The following EXT2 variants were observed in gnomAD, a reference collection of about 807,000 sequenced individuals.
The protein encoded by EXT2 is exostosin-2.
A neutral mutation model predicts 81.6 loss-of-function variants in EXT2; 53 were observed. The ratio of observed to expected loss-of-function variants is 0.65; its 90% CI spans 0.52 to 0.82. The LOEUF (loss-of-function observed/expected upper bound fraction) is 0.82. Among genes scored for constraint, EXT2 ranks in the 40% least tolerant of loss-of-function variants. The pLI is 0.00. For synonymous variants in EXT2, 320 were observed against 340.0 expected (o/e 0.94, Z 0.65); for missense variants, 774 against 910.2 (o/e 0.85, Z 1.93).
At chr11:44,207,458 G>A (rs929254574) in intron 10 of EXT2, among the ~76,000 whole-genome samples, 3 of 152,226 alleles carry the variant, frequency 2.0e-5, no homozygotes, top group African/African-American at 7.2e-5. Context: ...GAGGCTGATG[G>A]ATTAGGCTGG....
intron 7 of EXT2, among the ~76,000 whole-genome samples, chr11:44,139,002 C>T (rs1374712646): frequency 1.3e-5 from 2 of 152,206 alleles, no homozygotes; most frequent in African/African-American, 4.8e-5. Context: ...TAAGTTACAA[C>T]TACTGATGTA....
intron 8 of EXT2, among the ~76,000 whole-genome samples, chr11:44,187,831 C>A (rs1955337939): frequency 6.6e-6 from 1 of 152,092 alleles, no homozygotes; most frequent in Admixed American, 6.5e-5. Context: ...CTGATCACCT[C>A]TTTTTTTAAA....
intron 4 of EXT2, among the ~76,000 whole-genome samples, chr11:44,122,892 T>C (rs1332373265): frequency 6.6e-6 from 1 of 152,234 alleles, no homozygotes; most frequent in African/African-American, 2.4e-5. Context: ...TTTAATTTTA[T>C]TTACTTTTAA....
At chr11:44,141,547 T>C (rs552250987) in intron 7 of EXT2, among the ~76,000 whole-genome samples, 1 of 152,362 alleles carries the variant, frequency 6.6e-6, no homozygotes, top group Admixed American at 6.5e-5. Context: ...CTGGGTGTTA[T>C]TGCTTATACT....
rs530229056 is a variant in EXT2, at chr11:44,156,899, G to A, written c.1174-14712G>A. 4.6e-5 allele frequency among the ~76,000 whole-genome samples: 7 copies of A among 152,330 alleles called. 1 individual carries two copies. Among genetic ancestry groups the A allele is most frequent in the African/African-American group, 1.7e-4 (7 of 41,578 alleles). On this transcript the variant is annotated intron_variant, in intron 7 of 13. Transcript: ENST00000533608. ...TCTACGTATTCAAAGGAAATTGAGT[G>A]TTGTGATCTAAATCTTGGTCACTGC... is the stretch of plus-strand genomic sequence containing the variant.
chr11:44,180,609 A>C (rs1459148291), intron 8 of EXT2, among the ~76,000 whole-genome samples: 1 of 152,188 alleles, frequency 6.6e-6, no homozygotes, highest in Non-Finnish European at 1.5e-5. Flanking sequence ...TCCAGTCTGC[A>C]GTGATTGCTC....
chr11:44,237,882 G>A (rs533558409), intron 13 of EXT2, among the ~76,000 whole-genome samples: 1 of 141,672 alleles, frequency 7.1e-6, no homozygotes, highest in Non-Finnish European at 1.5e-5. Context: ...TGACCAACAT[G>A]GTGAAACCCC....
chr11:44,149,305 T>A (rs1404346973), intron 7 of EXT2, among the ~76,000 whole-genome samples: 1 of 152,204 alleles, frequency 6.6e-6, no homozygotes, highest in Non-Finnish European at 1.5e-5. Context: ...TAGGCTGTAG[T>A]GATCTGTGAT....
intron 2 of EXT2, 110 bp from the exon 3 acceptor site, chr11:44,109,084 A>G: frequency 9.2e-7 from 1 of 1,089,926 alleles, no homozygotes; most frequent in Admixed American, 1.8e-5. Context: ...CATACCTGAG[A>G]AGCGGCCCTA....
intron 7 of EXT2, among the ~76,000 whole-genome samples, chr11:44,145,065 G>T (rs1954698283): frequency 6.6e-6 from 1 of 151,892 alleles, no homozygotes; most frequent in Non-Finnish European, 1.5e-5. Flanking sequence ...TCCATCTTCA[G>T]AAAAAAACTA....
At chr11:44,192,224 C>G (rs1955401109) in intron 8 of EXT2, among the ~76,000 whole-genome samples, 1 of 152,006 alleles carries the variant, frequency 6.6e-6, no homozygotes, top group Non-Finnish European at 1.5e-5. Context: ...CCAGCCCTCT[C>G]CTGCTTCTTC....
intron 9 of EXT2, 123 bp downstream of exon 9, chr11:44,198,141 C>A: frequency 1.0e-6 from 1 of 973,946 alleles, no homozygotes. Context: ...GACAGCATGC[C>A]TCCATTTTTC....
chr11:44,144,234 A>G (rs779663141), intron 7 of EXT2: 16 of 1,594,014 alleles, frequency 1.0e-5, no homozygotes, highest in South Asian at 3.3e-5. Flanking sequence ...AAGGTTTCCA[A>G]TTCACCTTTC....
chr11:44,138,516 C>T (rs148016662), intron 7 of EXT2, among the ~76,000 whole-genome samples: 1 of 151,578 alleles, frequency 6.6e-6, no homozygotes, highest in Non-Finnish European at 1.5e-5. Context: ...ATTAGCAGAT[C>T]ATGAAGTCAA....
intron 4 of EXT2, chr11:44,116,401 T>C (rs1232462185): frequency 6.6e-6 from 1 of 152,258 alleles, no homozygotes; most frequent in Non-Finnish European, 1.5e-5. Context: ...CCACATTTTA[T>C]TCATCTCTTC....
At chr11:44,155,854 C>G (rs1271720607) in intron 7 of EXT2, among the ~76,000 whole-genome samples, 1 of 152,220 alleles carries the variant, frequency 6.6e-6, no homozygotes, top group African/African-American at 2.4e-5. Context: ...CAGACGATTT[C>G]TTATTGCTTG....
chr11:44,125,095 A>G, intron 5 of EXT2, 111 bp downstream of exon 5: 1 of 1,003,526 alleles, frequency 1.0e-6, no homozygotes, highest in South Asian at 1.3e-5. Context: ...GAATTACCCA[A>G]GGGGAAGAAA....
In EXT2 at chr11:44,234,245, T is replaced by C. The variant is rs999482742; in HGVS notation, c.1935+2T>C. The C allele has an allele frequency of 1.2e-6, 2 of 1,613,592 alleles. No homozygotes were observed. The highest frequency in any genetic ancestry group is 1.7e-5 in the Admixed American group (1 of 59,966). On this transcript the variant is annotated splice_donor_variant, in intron 12 of 13. Transcript: ENST00000533608. LOFTEE classifies it high-confidence loss of function. ...GTCACGGGAAAAGCAGTTATCAAGG[T>C]AGGAGGCTCTGCCACTCACTTGCTT...
rs180722756 is a variant in EXT2 at position 44,169,345 on chromosome 11, T to G, written c.1174-2266T>G. Among the ~76,000 whole-genome samples, 9 of 152,142 alleles carry G rather than the reference T, an allele frequency of 5.9e-5. No individual in the cohort carries two copies. In the East Asian group the frequency reaches 1.7e-3, roughly 29 times the overall value. On this transcript the variant is annotated intron_variant, in intron 7 of 13. Coordinates refer to ENST00000533608, the MANE Select transcript of EXT2 (RefSeq NM_207122.2). ...AGCAGATAGGAGAGAGCTGATAAAT[T>G]ATAAAATCGTTAGTTTGAGACGTAA...
Sources: allele counts gnomAD v4.1 joint callset (sites outside exome capture counted in the v4.1 genomes callset), GRCh38; gene constraint gnomAD v4.1.1; transcripts MANE v1.5; gene names NCBI Gene and HGNC (gene_info 2026-07-23, HGNC 2026-07-21).